The following FNDC1 variants were observed in gnomAD, a reference collection of about 807,000 sequenced individuals.
FNDC1 encodes the protein fibronectin type III domain-containing protein 1.
FNDC1 carries 96 observed loss-of-function variants against 168.0 expected under a neutral mutation model. That is an observed-to-expected ratio of 0.57 (90% CI 0.48 to 0.68). The LOEUF is 0.68. Ranked by LOEUF, FNDC1 falls within the 30% of genes least tolerant of loss-of-function variation. FNDC1 has a pLI of 0.00. For missense variants in FNDC1, 2,587 were observed against 2,482.1 expected, an observed-to-expected ratio of 1.04 and a Z score of -0.90; for synonymous variants, 1,099 against 1,025.9, an observed-to-expected ratio of 1.07 and a Z score of -1.36.
chr6:159,177,693 G>C (rs1230921487), intron 1 of FNDC1, among the ~76,000 whole-genome samples: 1 of 152,186 alleles, frequency 6.6e-6, no homozygotes, highest in East Asian at 1.9e-4. Flanking sequence ...TCCCCCTGCA[G>C]AGAAGGCTCG....
At chr6:159,265,679 T>C (rs1349664909) in intron 20 of FNDC1, among the ~76,000 whole-genome samples, 3 of 152,078 alleles carry the variant, frequency 2.0e-5, no homozygotes, top group African/African-American at 7.2e-5. Context: ...CCTGTAATCC[T>C]AGCACTTTGG....
At chr6:159,234,599 C>A in intron 11 of FNDC1, 120 bp downstream of exon 11, 1 of 914,042 alleles carries the variant, frequency 1.1e-6, no homozygotes. Flanking sequence ...GTGTTAAGAG[C>A]TTTGCACATG....
At chr6:159,265,360 T>C (rs554416663) in intron 20 of FNDC1, among the ~76,000 whole-genome samples, 52 of 152,300 alleles carry the variant, frequency 3.4e-4, no homozygotes, top group Non-Finnish European at 5.7e-4. Context: ...TCAAGGAAAT[T>C]GAGAAAACCT....
intron 4 of FNDC1, among the ~76,000 whole-genome samples, chr6:159,205,354 A>G (rs1391545540): frequency 1.3e-5 from 2 of 152,210 alleles, no homozygotes; most frequent in Non-Finnish European, 2.9e-5. Context: ...ATGAGCACCA[A>G]CTTTAAGGCA....
chr6:159,185,352 C>A (rs1479815484), intron 1 of FNDC1, among the ~76,000 whole-genome samples: 1 of 152,170 alleles, frequency 6.6e-6, no homozygotes, highest in Non-Finnish European at 1.5e-5. Flanking sequence ...TAAACCAAAG[C>A]AGCTCTCATT....
chr6:159,251,208 G>A (rs1777251916), intron 16 of FNDC1, 94 bp from the exon 17 acceptor site: 6 of 921,450 alleles, frequency 6.5e-6, no homozygotes, highest in South Asian at 3.2e-5. Flanking sequence ...GGAAGAGACC[G>A]AATGGTGGGT....
intron 1 of FNDC1, among the ~76,000 whole-genome samples, chr6:159,189,068 G>A (rs1271686560): frequency 2.6e-5 from 4 of 152,156 alleles, no homozygotes; most frequent in African/African-American, 9.7e-5. Context: ...TATTTTCATA[G>A]AAGATCTTGA....
At position 159,223,578 on chromosome 6, in the gene FNDC1, T is replaced by A; in HGVS notation, c.817T>A (p.Ser273Thr). 6.2e-7 allele frequency: 1 copy of A among 1,613,914 alleles called. No individual in the cohort carries two copies. The highest frequency in any genetic ancestry group is 8.5e-7 in the Non-Finnish European group (1 of 1,179,844). Residue 273 changes from serine to threonine, a missense_variant, in exon 7 of 23, where the codon TCT becomes ACT. By Grantham distance (58) the Ser-to-Thr change is moderately conservative (BLOSUM62 1). Coordinates refer to ENST00000297267, the MANE Select transcript of FNDC1 (RefSeq NM_032532.3). Reference sequence around the variant, plus strand: ...CGACATCAGCGTCCGGGTTATGTCATCTCAGTCTGTGCTTGTGTCCTGGGT... The same window carrying A: ...CGACATCAGCGTCCGGGTTATGTCAACTCAGTCTGTGCTTGTGTCCTGGGT... ...PDDISVRVMS[S>T]QSVLVSWVDP... is the part of the protein sequence containing the mutation.
At chr6:159,250,836 G>T (rs577734953) in intron 16 of FNDC1, among the ~76,000 whole-genome samples, 17 of 152,298 alleles carry the variant, frequency 1.1e-4, no homozygotes, top group African/African-American at 2.9e-4. Context: ...TCTAGGGAAG[G>T]CCACCCAGGG....
At chr6:159,229,551 C>G (rs888619330) in intron 9 of FNDC1, among the ~76,000 whole-genome samples, 1 of 152,182 alleles carries the variant, frequency 6.6e-6, no homozygotes, top group Admixed American at 6.5e-5. Context: ...TGTATGAAGA[C>G]TGGCCTCCTG....
intron 1 of FNDC1, among the ~76,000 whole-genome samples, chr6:159,194,102 A>C (rs1011345436): frequency 6.6e-6 from 1 of 152,208 alleles, no homozygotes; most frequent in East Asian, 1.9e-4. Context: ...GCACCTTACC[A>C]TCTGTCTCCA....
chr6:159,270,790 C>A (rs1185024259), intron 22 of FNDC1, among the ~76,000 whole-genome samples: 2 of 152,128 alleles, frequency 1.3e-5, no homozygotes, highest in African/African-American at 4.8e-5. Context: ...AAGTTGGGGG[C>A]CCTGAGCTCT....
intron 4 of FNDC1, among the ~76,000 whole-genome samples, chr6:159,208,844 A>ATTTTTTTTTTTTTTTTTTTT (rs369408600): frequency 7.8e-6 from 1 of 128,102 alleles, no homozygotes; most frequent in Non-Finnish European, 1.6e-5. Flanking sequence ...GTTATTTTTA[A>ATTTTTTTTTTTTTTTTTTTT]TTTTTTTTTT....
Position 159,236,229 on chromosome 6 carries a change from C to T in FNDC1, c.3982C>T (p.Pro1328Ser), listed in dbSNP as rs1054846081. 2 of 1,612,954 alleles carry T rather than the reference C, an allele frequency of 1.2e-6. No homozygotes were observed. Among genetic ancestry groups the T allele is most frequent in the Non-Finnish European group, 1.7e-6 (2 of 1,179,302 alleles). ...PSYRQGYNGR[P>S]NVEGKVLPGS... ...GTACTGTGTAGGTTATAATGGCAGACCAAATGTAGAAGGGAAAGTCCTTCC... is the reference window on the plus strand; with the variant it reads ...GTACTGTGTAGGTTATAATGGCAGATCAAATGTAGAAGGGAAAGTCCTTCC... The change falls in exon 12 of 23, where the codon CCA becomes TCA. Residue 1328 changes from proline to serine, a missense_variant. Transcript: ENST00000297267.
intron 1 of FNDC1, among the ~76,000 whole-genome samples, chr6:159,181,199 T>C (rs6903895): frequency 0.02 from 3,066 of 152,306 alleles, 101 homozygotes; most frequent in African/African-American, 0.07. Flanking sequence ...TGGTATCTCA[T>C]TGTGGTTTTG....
At chr6:159,228,392 T>A (rs1783001589) in intron 9 of FNDC1, among the ~76,000 whole-genome samples, 2 of 152,186 alleles carry the variant, frequency 1.3e-5, no homozygotes, top group Non-Finnish European at 2.9e-5. Flanking sequence ...TGGATTTAAT[T>A]TATTTTAAAA....
In FNDC1 at chr6:159,208,695, T is replaced by C. The variant is rs142406455; in HGVS notation, c.461-6250T>C. Among the ~76,000 whole-genome samples the C allele has an allele frequency of 1.3e-3, 191 of 152,304 alleles. 1 individual carries two copies. Among genetic ancestry groups the C allele is most frequent in the African/African-American group, 4.5e-3 (186 of 41,566 alleles). On this transcript the variant is annotated intron_variant, in intron 4 of 22. Coordinates refer to ENST00000297267, the MANE Select transcript of FNDC1 (RefSeq NM_032532.3). ...GGGTGACATCCTGAAGCCACTGCCA[T>C]ACCTGTGATTCTCAGGGCTTCTCAA...
chr6:159,231,377 G>A (rs1377966544), intron 10 of FNDC1, among the ~76,000 whole-genome samples: 1 of 27,950 alleles, frequency 3.6e-5, no homozygotes, highest in African/African-American at 5.5e-5. Context: ...GCGAGACTCC[G>A]TCTCAAAAAA....
At chr6:159,218,829 C>A (rs777767212) in intron 5 of FNDC1, among the ~76,000 whole-genome samples, 105 of 152,076 alleles carry the variant, frequency 6.9e-4, no homozygotes, top group Non-Finnish European at 1.2e-3. Context: ...GTGGAACTGT[C>A]AGGGGAGAGG....
Sources: gnomAD v4.1 joint callset for allele counts (sites outside exome capture counted in the v4.1 genomes callset) on GRCh38, gnomAD v4.1.1 for gene constraint, MANE v1.5 for transcripts, NCBI Gene and HGNC (gene_info 2026-07-23, HGNC 2026-07-21) for gene names.